Variants in CDH11 observed in about 807,000 individuals in gnomAD.
CDH11 encodes cadherin-11.
CDH11 carries 11 observed loss-of-function variants against 67.8 expected under a neutral mutation model. That is an observed-to-expected ratio of 0.16 (90% CI 0.10 to 0.27). The LOEUF is 0.27. Among genes scored for constraint, CDH11 ranks in the 10% least tolerant of loss-of-function variants. The pLI, the probability that CDH11 is intolerant of heterozygous loss-of-function variation, is 1.00. For missense variants in CDH11, 847 were observed against 1,031.2 expected, an observed-to-expected ratio of 0.82 and a Z score of 2.45; for synonymous variants, 419 against 400.0, an observed-to-expected ratio of 1.05 and a Z score of -0.57.
At chr16:65,106,512 C>G (rs1223939918) in intron 1 of CDH11, among the ~76,000 whole-genome samples, 1 of 152,008 alleles carries the variant, frequency 6.6e-6, no homozygotes, top group Non-Finnish European at 1.5e-5. Context: ...TATTCTTTAT[C>G]TCTTATAAAT....
Position 64,946,281 on chromosome 16 carries a change from G to C in CDH11, c.*1322C>G. On this transcript the variant is annotated 3_prime_UTR_variant, in exon 13 of 13. Coordinates refer to ENST00000268603, the MANE Select transcript of CDH11 (RefSeq NM_001797.4). ...TTACAATAGCCTGGTAAGTTCAACA[G>C]AAGAAAAAATAGAATAACATTAGAG... 9.6e-7 allele frequency: 1 copy of C among 1,046,442 alleles called. No homozygotes were observed. Among genetic ancestry groups the C allele is most frequent in the Non-Finnish European group, 1.2e-6 (1 of 867,368 alleles). 64.8% of individuals were successfully genotyped at this position (1,046,442 alleles called of 1,614,324 possible).
chr16:65,070,452 C>T (rs116329968), intron 1 of CDH11, among the ~76,000 whole-genome samples: 2,324 of 152,210 alleles, frequency 0.015, 49 homozygotes, highest in African/African-American at 0.053. Context: ...GTGAATGGCT[C>T]GACTCAACTG....
intron 8 of CDH11, among the ~76,000 whole-genome samples, chr16:64,973,730 C>T (rs569580947): frequency 6.6e-5 from 10 of 152,048 alleles, no homozygotes; most frequent in South Asian, 2.1e-4. Flanking sequence ...TCATTGAATC[C>T]GGGAAGCGGA....
chr16:64,962,572 C>G (rs2071702202), intron 11 of CDH11, among the ~76,000 whole-genome samples: 2 of 152,114 alleles, frequency 1.3e-5, no homozygotes, highest in South Asian at 2.1e-4. Context: ...CTCCCGTGAC[C>G]CCCTACCACA....
chr16:65,116,252 A>G (rs1008614727), intron 1 of CDH11, among the ~76,000 whole-genome samples: 1 of 152,208 alleles, frequency 6.6e-6, no homozygotes, highest in South Asian at 2.1e-4. Context: ...ATTGAGAAGA[A>G]TAAAGATGCA....
At chr16:65,056,746 T>C (rs1346929767) in intron 1 of CDH11, among the ~76,000 whole-genome samples, 1 of 152,178 alleles carries the variant, frequency 6.6e-6, no homozygotes, top group Non-Finnish European at 1.5e-5. Context: ...TTTCCTTCTC[T>C]AGTCTTCTGT....
chr16:64,950,635 CT>C, intron 12 of CDH11, 131 bp downstream of exon 12: 2 of 1,097,948 alleles, frequency 1.8e-6, no homozygotes, highest in South Asian at 3.5e-5. Flanking sequence ...CCGTACCCCA[CT>C]TCTTTTCTTG....
intron 1 of CDH11, among the ~76,000 whole-genome samples, chr16:65,109,433 G>C (rs1414247546): frequency 6.6e-6 from 1 of 152,160 alleles, no homozygotes; most frequent in Non-Finnish European, 1.5e-5. Context: ...TTTTAACTGT[G>C]TGTCCTTGCT....
chr16:65,070,666 T>C (rs1037551376), intron 1 of CDH11, among the ~76,000 whole-genome samples: 4 of 152,208 alleles, frequency 2.6e-5, no homozygotes, highest in Non-Finnish European at 5.9e-5. Context: ...GACTGAATCT[T>C]GTTCACTTTC....
chr16:65,111,810 G>A (rs765726899), intron 1 of CDH11, among the ~76,000 whole-genome samples: 1 of 151,918 alleles, frequency 6.6e-6, no homozygotes, highest in Non-Finnish European at 1.5e-5. Context: ...GGTGGTTCAC[G>A]CCTGTAATCT....
In CDH11 at chr16:65,121,442, G is replaced by A. The variant is rs766672745; in HGVS notation, c.-298+438C>T. On this transcript the variant is annotated intron_variant, in intron 1 of 12. Coordinates refer to ENST00000268603, the MANE Select transcript of CDH11 (RefSeq NM_001797.4). This position sits in a 1 kb window ranked among gnomAD's most constrained non-coding sequence, Gnocchi z 4.1. ...GAACCCCGCAGAGCGCGGTCATGTC[G>A]CCGCTTTGGGGAAGCGGCGCAGGGC... Among the ~76,000 whole-genome samples the A allele has an allele frequency of 3.0e-4, 46 of 152,176 alleles. No individual in the cohort carries two copies. Among genetic ancestry groups the A allele is most frequent in the Non-Finnish European group, 5.6e-4 (38 of 68,020 alleles).
chr16:64,987,564 A>G (rs1386988052), intron 7 of CDH11: 1 of 152,140 alleles, frequency 6.6e-6, no homozygotes, highest in Non-Finnish European at 1.5e-5. Flanking sequence ...AAGAAGAAAC[A>G]CTAAACTTCT....
intron 8 of CDH11, among the ~76,000 whole-genome samples, chr16:64,979,447 AGTAGCAAATAAAT>A (rs2072268582): frequency 6.6e-6 from 1 of 152,240 alleles, no homozygotes; most frequent in African/African-American, 2.4e-5. Flanking sequence ...ACTATGTCTC[AGTAGCAAATAAAT>A]AAATAAATAA....
chr16:65,113,334 G>C (rs1387569626), intron 1 of CDH11, among the ~76,000 whole-genome samples: 1 of 151,920 alleles, frequency 6.6e-6, no homozygotes, highest in Non-Finnish European at 1.5e-5. Context: ...AAAAGAGATT[G>C]GGTTAAGAGC....
intron 2 of CDH11, among the ~76,000 whole-genome samples, chr16:65,039,813 T>G (rs2073829839): frequency 6.6e-6 from 1 of 152,246 alleles, no homozygotes; most frequent in Non-Finnish European, 1.5e-5. Context: ...TCTACTCATC[T>G]GACAAAGGGC....
chr16:65,056,785 G>T (rs561543457), intron 1 of CDH11, among the ~76,000 whole-genome samples: 20 of 152,178 alleles, frequency 1.3e-4, no homozygotes, highest in Non-Finnish European at 1.6e-4. Flanking sequence ...TGGGGCCAGC[G>T]TGTTTAAAAA....
chr16:64,980,937 G>T lies in CDH11; in HGVS notation c.1253+1111C>A, dbSNP rs1435633809. Among the ~76,000 whole-genome samples the T allele has an allele frequency of 2.6e-5, 4 of 151,922 alleles. No homozygotes were observed. The East Asian group carries it at 5.8e-4, about 22-fold the overall frequency. On this transcript the variant is annotated intron_variant, in intron 8 of 12. Transcript: ENST00000268603. The stretch of plus-strand genomic sequence containing the variant: ...AATCCGGTCCAGGGGAAATTCCAGG[G>T]CACTATCAACTTCCACTCTGTAAAC...
In CDH11 at chr16:64,991,857, A is replaced by G. The variant is rs201286034; in HGVS notation, c.722T>C (p.Met241Thr). ...EYHVVIQAKD[M>T]GGHMGGLSGT... ...TGAGAGTCCGCCCATATGTCCACCC[A>G]TGTCCTTGGCCTGGATCACCACGTG... Residue 241 changes from methionine (M) to threonine (T), a missense_variant, in exon 6 of 13, where the codon ATG (methionine) becomes ACG (threonine). Met to Thr is a moderately conservative substitution (Grantham distance 81, BLOSUM62 -1). Coordinates refer to ENST00000268603, the MANE Select transcript of CDH11 (RefSeq NM_001797.4). 6.2e-7 allele frequency: 1 copy of G among 1,613,810 alleles called. No homozygotes were observed. Among genetic ancestry groups the G allele is most frequent in the East Asian group, 2.2e-5 (1 of 44,862 alleles).
chr16:65,004,761 C>A lies in CDH11; in HGVS notation c.109G>T (p.Gly37Trp). 6.2e-7 allele frequency: 1 copy of A among 1,612,012 alleles called. No homozygotes were observed. Among genetic ancestry groups the A allele is most frequent in the Non-Finnish European group, 8.5e-7 (1 of 1,179,232 alleles). The change falls in exon 3 of 13, where the codon GGG (glycine) becomes TGG (tryptophan). Residue 37 changes from glycine to tryptophan, a missense_variant. By Grantham distance (184) the Gly-to-Trp change is radical (BLOSUM62 -2). Around this residue, in one of 2 missense-constraint regions of CDH11, gnomAD observed 235 missense variants for 352.5 expected, o/e 0.67. Transcript: ENST00000268603. ...RRGHLRPSFHGHHEKGKEGQV... is the reference protein window; with the variant it reads ...RRGHLRPSFHWHHEKGKEGQV... ...CCCTCCTTGCCCTTCTCATGGTGCC[C>A]ATGGAAGGAGGGCCGCAGGTGCCCC...
Sources: allele counts gnomAD v4.1 joint callset (sites outside exome capture counted in the v4.1 genomes callset), GRCh38; gene constraint gnomAD v4.1.1; regional missense constraint gnomAD v4.1.1; non-coding constraint Gnocchi (gnomAD v3.1); transcripts MANE v1.5; gene names NCBI Gene and HGNC (gene_info 2026-07-23, HGNC 2026-07-21).